Variants in RIMS1 observed in about 807,000 individuals in gnomAD.
RIMS1 encodes the protein regulating synaptic membrane exocytosis protein 1.
Under a neutral mutation model 214.1 loss-of-function variants are expected in RIMS1, and 83 were observed. That is an observed-to-expected ratio of 0.39 (90% CI 0.32 to 0.47). The LOEUF is 0.47. Ranked by LOEUF, RIMS1 falls within the 20% of genes least tolerant of loss-of-function variation. RIMS1 has a pLI of 0.99. For synonymous variants in RIMS1, 793 were observed against 786.8 expected, an observed-to-expected ratio of 1.01 and a Z score of -0.13; for missense variants, 2,050 against 2,161.8, an observed-to-expected ratio of 0.95 and a Z score of 1.03.
rs186299485 is a variant in RIMS1 at position 72,002,354 on chromosome 6, G to A, written c.245+33291G>A. Among the ~76,000 whole-genome samples, 249 of 152,048 alleles carry A rather than the reference G, an allele frequency of 1.6e-3. 1 individual carries two copies. The highest frequency in any genetic ancestry group is 3.1e-3 in the Non-Finnish European group (213 of 67,990). On this transcript the variant is annotated intron_variant, in intron 2 of 33. Transcript: ENST00000521978. The stretch of plus-strand genomic sequence containing the variant: ...CTAAAATGTATAGAATATGAAAGGT[G>A]ATGTAGCAGCCGTGGCACTATTATT...
At chr6:72,185,492 G>A (rs1490286316) in intron 6 of RIMS1, among the ~76,000 whole-genome samples, 2 of 152,196 alleles carry the variant, frequency 1.3e-5, no homozygotes, top group Non-Finnish European at 2.9e-5. Flanking sequence ...CACCACACCA[G>A]AGGGATTAAC....
At chr6:71,968,632 A>G (rs76374352) in intron 1 of RIMS1, among the ~76,000 whole-genome samples, 10,972 of 152,236 alleles carry the variant, frequency 0.072, 491 homozygotes, top group Middle Eastern at 0.11. Flanking sequence ...TAACATATCA[A>G]CGCAACAGCT....
chr6:71,918,841 A>G (rs182633943), intron 1 of RIMS1, among the ~76,000 whole-genome samples: 6 of 152,248 alleles, frequency 3.9e-5, no homozygotes, highest in Admixed American at 3.3e-4. Flanking sequence ...GGAGGGTAGT[A>G]GATGTTAGAG....
At chr6:72,222,252 A>G (rs902683458) in intron 6 of RIMS1, among the ~76,000 whole-genome samples, 8 of 152,032 alleles carry the variant, frequency 5.3e-5, no homozygotes, top group African/African-American at 1.9e-4. Flanking sequence ...TCACAATTTA[A>G]TTCAGTTACA....
intron 2 of RIMS1, among the ~76,000 whole-genome samples, chr6:71,976,430 A>C (rs1797161832): frequency 6.6e-6 from 1 of 152,122 alleles, no homozygotes; most frequent in African/African-American, 2.4e-5. Context: ...TGATCTTTCA[A>C]AATATGTGTT....
chr6:72,300,588 A>G (rs1384475167), intron 26 of RIMS1, among the ~76,000 whole-genome samples: 3 of 151,784 alleles, frequency 2.0e-5, no homozygotes, highest in Admixed American at 6.6e-5. Flanking sequence ...AGGCTTAATT[A>G]CACAGGTTGC....
chr6:71,961,758 T>C (rs1020443397), intron 1 of RIMS1, among the ~76,000 whole-genome samples: 4 of 152,068 alleles, frequency 2.6e-5, no homozygotes, highest in African/African-American at 9.7e-5. Flanking sequence ...TGTTTTGTTA[T>C]GTTATCATAT....
intron 6 of RIMS1, chr6:72,216,382 T>G: frequency 3.3e-6 from 3 of 919,344 alleles, no homozygotes; most frequent in Non-Finnish European, 3.9e-6. Flanking sequence ...CAAAACCTGT[T>G]TGAGGTTGTC....
At chr6:72,228,106 C>T (rs545408301) in intron 6 of RIMS1, among the ~76,000 whole-genome samples, 4 of 151,842 alleles carry the variant, frequency 2.6e-5, no homozygotes, top group Non-Finnish European at 5.9e-5. Context: ...TAAACATATC[C>T]GTCACCTCCA....
intron 2 of RIMS1, among the ~76,000 whole-genome samples, chr6:71,991,527 C>T (rs1297428971): frequency 2.0e-5 from 3 of 152,166 alleles, no homozygotes; most frequent in Non-Finnish European, 4.4e-5. Context: ...ATGCTGTATA[C>T]AAATCACTAG....
chr6:71,967,796 G>A (rs569340857), intron 1 of RIMS1, among the ~76,000 whole-genome samples: 3 of 152,200 alleles, frequency 2.0e-5, no homozygotes, highest in East Asian at 1.9e-4. Context: ...TATTGATTTC[G>A]GCATCTTACT....
chr6:72,064,183 C>T (rs1264219915), intron 2 of RIMS1, among the ~76,000 whole-genome samples: 1 of 151,952 alleles, frequency 6.6e-6, no homozygotes, highest in Non-Finnish European at 1.5e-5. Flanking sequence ...CCAGGCATAG[C>T]AGCAGGCGCC....
At chr6:72,200,719 G>A (rs1455037054) in intron 6 of RIMS1, among the ~76,000 whole-genome samples, 1 of 152,108 alleles carries the variant, frequency 6.6e-6, no homozygotes, top group Non-Finnish European at 1.5e-5. Context: ...CATATGACTT[G>A]GGGCATTAGA....
intron 7 of RIMS1, 80 bp downstream of exon 7, chr6:72,233,920 T>C: frequency 1.1e-6 from 1 of 879,990 alleles, no homozygotes; most frequent in Non-Finnish European, 1.8e-6. Context: ...ATGTGATATC[T>C]GCTCTATTAT....
intron 2 of RIMS1, among the ~76,000 whole-genome samples, chr6:72,038,107 AAAAAAAAAAAAATATATATATATATATAT>A (rs1241651319): frequency 1.2e-5 from 1 of 82,498 alleles, no homozygotes; most frequent in Non-Finnish European, 2.2e-5. Flanking sequence ...AAAAAAAAAA[AAAAAAAAAAAAATATATATATATATATAT>A]ATATATATAT....
At chr6:71,920,234 A>G (rs1421602222) in intron 1 of RIMS1, among the ~76,000 whole-genome samples, 1 of 152,184 alleles carries the variant, frequency 6.6e-6, no homozygotes, top group Non-Finnish European at 1.5e-5. Flanking sequence ...CTAAAATGCA[A>G]TGTAGTATCC....
intron 2 of RIMS1, among the ~76,000 whole-genome samples, chr6:72,019,254 C>T (rs1256664248): frequency 6.7e-6 from 1 of 150,342 alleles, no homozygotes; most frequent in East Asian, 1.9e-4. Flanking sequence ...GTGTAATTGG[C>T]TTTCAATTTA....
At chr6:71,944,281 G>A (rs1002932508) in intron 1 of RIMS1, among the ~76,000 whole-genome samples, 1 of 152,318 alleles carries the variant, frequency 6.6e-6, no homozygotes, top group Non-Finnish European at 1.5e-5. Context: ...AGTGAATGCT[G>A]TGTGCATAAT....
At chr6:72,021,072 A>T (rs888376252) in intron 2 of RIMS1, among the ~76,000 whole-genome samples, 1 of 152,248 alleles carries the variant, frequency 6.6e-6, no homozygotes, top group African/African-American at 2.4e-5. Context: ...ATTTGGCTAC[A>T]TTCATAAGAA....
Sources: gnomAD v4.1 joint callset for allele counts (sites outside exome capture counted in the v4.1 genomes callset) on GRCh38, gnomAD v4.1.1 for gene constraint, MANE v1.5 for transcripts, NCBI Gene and HGNC (gene_info 2026-07-23, HGNC 2026-07-21) for gene names.